The following WAC variants were observed in gnomAD, a reference collection of about 807,000 sequenced individuals.
WAC encodes WW domain containing adaptor with coiled-coil.
A neutral mutation model predicts 79.6 loss-of-function variants in WAC; 11 were observed. That is an observed-to-expected ratio of 0.14 (90% CI 0.09 to 0.23). The LOEUF (loss-of-function observed/expected upper bound fraction) is 0.23. Ranked by LOEUF, WAC falls within the 10% of genes least tolerant of loss-of-function variation. The pLI, the probability that WAC is intolerant of heterozygous loss-of-function variation, is 1.00. For synonymous variants in WAC, 304 were observed against 276.9 expected, an observed-to-expected ratio of 1.10 and a Z score of -0.97; for missense variants, 728 against 773.5, an observed-to-expected ratio of 0.94 and a Z score of 0.70.
intron 6 of WAC, among the ~76,000 whole-genome samples, chr10:28,592,852 G>GT (rs1213499906): frequency 2.0e-5 from 3 of 152,158 alleles, no homozygotes; most frequent in South Asian, 4.2e-4. Flanking sequence ...CTGTGTTGCT[G>GT]TTTTTTACCT....
In WAC at chr10:28,622,591, A is replaced by C. The variant is rs945993382; in HGVS notation, c.*2985A>C. ...TTCTAACTTGTCTAACCTGATTTTAAAATGACTGCAATTCCAGACTAAAAA... is the reference window on the plus strand; with the variant it reads ...TTCTAACTTGTCTAACCTGATTTTACAATGACTGCAATTCCAGACTAAAAA... On this transcript the variant is annotated 3_prime_UTR_variant, in exon 14 of 14. Transcript: ENST00000354911. The C allele has an allele frequency of 6.6e-6, 1 of 152,148 alleles. No homozygotes were observed. Among genetic ancestry groups the C allele is most frequent in the Non-Finnish European group, 1.5e-5 (1 of 68,030 alleles). 9.4% of individuals were successfully genotyped at this position (152,148 alleles called of 1,614,324 possible). A position where few individuals can be genotyped will look rare whatever the true frequency, so the allele number is the denominator to read the frequency against.
chr10:28,602,497 C>G (rs1011973153), intron 7 of WAC, among the ~76,000 whole-genome samples: 6 of 152,100 alleles, frequency 3.9e-5, no homozygotes, highest in Admixed American at 1.3e-4. Context: ...CATGTAACAC[C>G]ACTATTACAA....
chr10:28,594,298 T>C lies in WAC; in HGVS notation c.611-1435T>C, dbSNP rs140208732. Among the ~76,000 whole-genome samples, 421 of 152,342 alleles carry C rather than the reference T, an allele frequency of 2.8e-3. 4 individuals carry two copies. The highest frequency in any genetic ancestry group is 9.8e-3 in the African/African-American group (409 of 41,582). On this transcript the variant is annotated intron_variant, in intron 6 of 13. Transcript: ENST00000354911. ...TTCTTGGTTGAGGAAATAAAAATTGTATACAGGGTTGGGCATGATATTATT... is the reference window on the plus strand; with the variant it reads ...TTCTTGGTTGAGGAAATAAAAATTGCATACAGGGTTGGGCATGATATTATT...
intron 3 of WAC, among the ~76,000 whole-genome samples, chr10:28,561,835 G>A (rs1838314945): frequency 1.3e-5 from 2 of 152,150 alleles, no homozygotes; most frequent in South Asian, 2.1e-4. Context: ...TGCATGCGAG[G>A]AATCTAGGTT....
In WAC at chr10:28,619,245, C is replaced by A. The variant is rs332178; in HGVS notation, c.1875-292C>A. Among the ~76,000 whole-genome samples the A allele has an allele frequency of 0.84, 127,318 of 152,222 alleles. 53,362 individuals are homozygous for A. The highest frequency in any genetic ancestry group is 0.94 in the East Asian group (4,862 of 5,178). ...CAGTGAGTCAAGATTGCACCCCTGC[C>A]CTCTAGCCTGGGCAACAGAGCAAGA... On this transcript the variant is annotated intron_variant, in intron 13 of 13. Transcript: ENST00000354911.
chr10:28,595,970 A>G lies in WAC; in HGVS notation c.848A>G (p.Asn283Ser). 4.3e-6 allele frequency: 7 copies of G among 1,614,144 alleles called. No homozygotes were observed. Among genetic ancestry groups the G allele is most frequent in the Non-Finnish European group, 5.9e-6 (7 of 1,180,000 alleles). The change falls in exon 7 of 14, where the codon AAT becomes AGT. Residue 283 changes from asparagine to serine, a missense_variant. Physicochemically the swap from Asn to Ser is conservative, Grantham distance 46. Around this residue, in one of 3 missense-constraint regions of WAC, gnomAD observed 648 missense variants for 661.5 expected, o/e 0.98. Transcript: ENST00000354911. Reference sequence around the variant, plus strand: ...CAGCCAAAGAAATCATTTGATGCTAATGGAGCATCTACTTTATCAAAACTG... The same window carrying G: ...CAGCCAAAGAAATCATTTGATGCTAGTGGAGCATCTACTTTATCAAAACTG... ...DHQPKKSFDA[N>S]GASTLSKLPT... is the part of the protein sequence containing the mutation.
chr10:28,597,771 C>T (rs1158886269), intron 7 of WAC, among the ~76,000 whole-genome samples: 1 of 152,198 alleles, frequency 6.6e-6, no homozygotes, highest in African/African-American at 2.4e-5. Context: ...TAATTGACAG[C>T]ACTGTTCTTC....
chr10:28,594,336 G>T (rs541178777), intron 6 of WAC, among the ~76,000 whole-genome samples: 1 of 152,246 alleles, frequency 6.6e-6, no homozygotes, highest in East Asian at 1.9e-4. Flanking sequence ...TGCTATGTCT[G>T]TCTCTAAAGG....
At chr10:28,603,959 ATG>A (rs778809998) in intron 7 of WAC, among the ~76,000 whole-genome samples, 3 of 6,252 alleles carry the variant, frequency 4.8e-4, no homozygotes, top group African/African-American at 1.8e-3. Flanking sequence ...ATATGTATGT[ATG>A]TATATATATA....
At chr10:28,586,309 G>A (rs1839819434) in intron 4 of WAC, among the ~76,000 whole-genome samples, 1 of 152,080 alleles carries the variant, frequency 6.6e-6, no homozygotes, top group African/African-American at 2.4e-5. Flanking sequence ...AACATTTATT[G>A]TGGGGTGTTT....
intron 3 of WAC, among the ~76,000 whole-genome samples, chr10:28,577,309 C>A (rs1342068788): frequency 4.6e-5 from 7 of 152,250 alleles, no homozygotes; most frequent in Middle Eastern, 6.8e-3. Context: ...TAAATAGCTG[C>A]ATTTTTATCC....
At chr10:28,566,605 C>T (rs1048172311) in intron 3 of WAC, among the ~76,000 whole-genome samples, 10 of 152,176 alleles carry the variant, frequency 6.6e-5, no homozygotes, top group Non-Finnish European at 8.8e-5. Flanking sequence ...ATTGCTTTTA[C>T]TCATGAATGA....
At chr10:28,616,593 G>T (rs1841477415) in intron 12 of WAC, among the ~76,000 whole-genome samples, 1 of 152,218 alleles carries the variant, frequency 6.6e-6, no homozygotes, top group Non-Finnish European at 1.5e-5. Flanking sequence ...AGTTAGCTCA[G>T]TGCTTAATGC....
intron 3 of WAC, among the ~76,000 whole-genome samples, chr10:28,544,230 C>G (rs112754311): frequency 2.8e-4 from 43 of 152,302 alleles, no homozygotes; most frequent in African/African-American, 9.9e-4. Flanking sequence ...TCCCTTTATT[C>G]GCTTGTATTA....
chr10:28,551,196 C>T (rs1413857284), intron 3 of WAC, among the ~76,000 whole-genome samples: 2 of 152,126 alleles, frequency 1.3e-5, no homozygotes, highest in Non-Finnish European at 2.9e-5. Flanking sequence ...CTTACACATC[C>T]GTAAAACTTC....
In WAC at chr10:28,609,168, C is replaced by T. The variant is rs539836493; in HGVS notation, c.1165+737C>T. 3.0e-4 allele frequency among the ~76,000 whole-genome samples: 45 copies of T among 152,260 alleles called. No homozygotes were observed. In the South Asian group the frequency reaches 9.3e-3, roughly 32 times the overall value. Reference sequence around the variant, plus strand: ...CCTGAGGTCAGGAGTTTGAAACCAGCCTGACCAAGATGGTGAAACGCTATC... The same window carrying T: ...CCTGAGGTCAGGAGTTTGAAACCAGTCTGACCAAGATGGTGAAACGCTATC... On this transcript the variant is annotated intron_variant, in intron 8 of 13. Transcript: ENST00000354911.
intron 3 of WAC, among the ~76,000 whole-genome samples, chr10:28,566,064 T>C (rs1838586660): frequency 6.6e-6 from 1 of 152,216 alleles, no homozygotes; most frequent in South Asian, 2.1e-4. Context: ...GGCTACTTAC[T>C]CTGCCTTAGA....
chr10:28,614,762 G>A, intron 11 of WAC, 77 bp downstream of exon 11: 1 of 1,204,050 alleles, frequency 8.3e-7, no homozygotes, highest in Non-Finnish European at 1.2e-6. Context: ...TATTATATCT[G>A]TAAAATAGAA....
rs74503485 is a variant in WAC, at chr10:28,600,453, G to A, written c.919+4412G>A. 4.6e-5 allele frequency among the ~76,000 whole-genome samples: 7 copies of A among 152,230 alleles called. No homozygotes were observed. In the East Asian group the frequency reaches 1.3e-3, roughly 29 times the overall value. ...GGTAGTGGGCCAACTTCAGCACTCAGTTGCTTTGCTTTAAAATAATTTTTA... is the reference window on the plus strand; with the variant it reads ...GGTAGTGGGCCAACTTCAGCACTCAATTGCTTTGCTTTAAAATAATTTTTA... On this transcript the variant is annotated intron_variant, in intron 7 of 13. Coordinates refer to ENST00000354911, the MANE Select transcript of WAC (RefSeq NM_016628.5).
Sources: allele counts gnomAD v4.1 joint callset (sites outside exome capture counted in the v4.1 genomes callset), GRCh38; gene constraint gnomAD v4.1.1; regional missense constraint gnomAD v4.1.1; transcripts MANE v1.5; gene names NCBI Gene and HGNC (gene_info 2026-07-23, HGNC 2026-07-21).